The following CDH18 variants were observed in gnomAD, a reference collection of about 807,000 sequenced individuals.
The protein encoded by CDH18 is cadherin-18.
A neutral mutation model predicts 67.9 loss-of-function variants in CDH18; 31 were observed. The ratio of observed to expected loss-of-function variants is 0.46; its 90% confidence interval spans 0.34 to 0.62. The LOEUF (loss-of-function observed/expected upper bound fraction) is 0.62, where lower values mean the gene tolerates loss of function less well. CDH18 is among the 20% of genes least tolerant of loss of function. The probability of loss-of-function intolerance (pLI) is 0.01; values close to 1 mark genes in which losing one functional copy is unlikely to be tolerated. For synonymous variants in CDH18, 362 were observed against 347.2 expected (o/e 1.04, Z -0.48); for missense variants, 890 against 975.5 (o/e 0.91, Z 1.17).
At chr5:19,708,242 C>T (rs1764211530) in intron 5 of CDH18, among the ~76,000 whole-genome samples, 3 of 152,170 alleles carry the variant, frequency 2.0e-5, no homozygotes, top group Non-Finnish European at 4.4e-5. Context: ...CTGTCAGGAA[C>T]TGGAGTGCTT....
chr5:20,219,355 G>A (rs1051525107), intron 2 of CDH18, among the ~76,000 whole-genome samples: 1 of 151,802 alleles, frequency 6.6e-6, no homozygotes, highest in East Asian at 1.9e-4. Flanking sequence ...GCAAAAATAA[G>A]CTTGGGACAC....
chr5:20,415,906 A>C (rs566699945), intron 1 of CDH18, among the ~76,000 whole-genome samples: 141 of 152,318 alleles, frequency 9.3e-4, no homozygotes, highest in African/African-American at 3.2e-3. Flanking sequence ...CAAATGCTAC[A>C]CTATTCCATT....
chr5:19,746,915 C>A, intron 4 of CDH18, 27 bp downstream of exon 4: 3 of 1,590,946 alleles, frequency 1.9e-6, no homozygotes, highest in Middle Eastern at 1.7e-4. Flanking sequence ...ATGTTAATTG[C>A]ATAATCACAA....
chr5:19,630,383 T>G (rs1488152364), intron 5 of CDH18, among the ~76,000 whole-genome samples: 1 of 152,236 alleles, frequency 6.6e-6, no homozygotes, highest in African/African-American at 2.4e-5. Context: ...ATCTGATATA[T>G]AAAACATTTG....
chr5:19,610,262 C>G (rs1580477193), intron 6 of CDH18, among the ~76,000 whole-genome samples: 1 of 152,068 alleles, frequency 6.6e-6, no homozygotes, highest in Non-Finnish European at 1.5e-5. Flanking sequence ...AGAGTATACA[C>G]TTATTCTGTT....
At chr5:19,870,138 G>C (rs1355772574) in intron 2 of CDH18, among the ~76,000 whole-genome samples, 1 of 152,078 alleles carries the variant, frequency 6.6e-6, no homozygotes, top group East Asian at 1.9e-4. Context: ...TAAGAGAGAT[G>C]AGTTGATTCA....
chr5:19,686,466 A>AGAT (rs1291663149), intron 5 of CDH18, among the ~76,000 whole-genome samples: 1 of 152,172 alleles, frequency 6.6e-6, no homozygotes, highest in Non-Finnish European at 1.5e-5. Context: ...TTGGAACACC[A>AGAT]GATATGGATG....
intron 2 of CDH18, among the ~76,000 whole-genome samples, chr5:19,957,308 GTA>G (rs997883925): frequency 2.0e-5 from 3 of 150,588 alleles, no homozygotes; most frequent in African/African-American, 4.9e-5. Context: ...ATATGTATGT[GTA>G]TATATATGTT....
chr5:19,730,093 C>T (rs1354068376), intron 4 of CDH18, among the ~76,000 whole-genome samples: 1 of 152,138 alleles, frequency 6.6e-6, no homozygotes, highest in African/African-American at 2.4e-5. Flanking sequence ...AGCTCCCTTT[C>T]AGCTGCCCCC....
chr5:20,379,821 T>C (rs1240714045), intron 1 of CDH18, among the ~76,000 whole-genome samples: 2 of 151,918 alleles, frequency 1.3e-5, no homozygotes, highest in Non-Finnish European at 2.9e-5. Context: ...TATCTCTGAC[T>C]CTTGAAGAAT....
intron 1 of CDH18, among the ~76,000 whole-genome samples, chr5:20,431,487 C>CAAAAAAAAA (rs560015111): frequency 3.0e-5 from 2 of 66,216 alleles, no homozygotes; most frequent in Non-Finnish European, 5.9e-5. Flanking sequence ...GAGTGAAACT[C>CAAAAAAAAA]AAAAAAAAAA....
chr5:20,059,230 A>G (rs1561756606), intron 2 of CDH18, among the ~76,000 whole-genome samples: 1 of 151,198 alleles, frequency 6.6e-6, no homozygotes, highest in Admixed American at 6.6e-5. Flanking sequence ...TTTCTTCTTT[A>G]TTAGTCTGGC....
intron 2 of CDH18, among the ~76,000 whole-genome samples, chr5:20,021,140 GT>G (rs2150433413): frequency 6.6e-6 from 1 of 152,174 alleles, no homozygotes; most frequent in Non-Finnish European, 1.5e-5. Flanking sequence ...TAGCTCCTTT[GT>G]TTTGTTCAGT....
intron 3 of CDH18, among the ~76,000 whole-genome samples, chr5:19,791,944 CTACTTTT>C (rs1028087647): frequency 2.6e-5 from 4 of 152,242 alleles, no homozygotes; most frequent in East Asian, 3.9e-4. Flanking sequence ...CCACAACAGA[CTACTTTT>C]TAGAAGAATG....
intron 7 of CDH18, among the ~76,000 whole-genome samples, chr5:19,582,981 T>C (rs960699677): frequency 2.0e-5 from 3 of 151,978 alleles, no homozygotes; most frequent in Non-Finnish European, 4.4e-5. Flanking sequence ...TATAATTTAC[T>C]TAAACTTTAA....
At chr5:20,322,000 G>C (rs1027942651) in intron 1 of CDH18, among the ~76,000 whole-genome samples, 1 of 151,880 alleles carries the variant, frequency 6.6e-6, no homozygotes, top group African/African-American at 2.4e-5. Flanking sequence ...TTTTACCCAA[G>C]CATAAAGATG....
intron 1 of CDH18, among the ~76,000 whole-genome samples, chr5:20,385,682 G>T (rs2150107343): frequency 6.6e-6 from 1 of 152,252 alleles, no homozygotes; most frequent in East Asian, 1.9e-4. Flanking sequence ...TAGATAAGTG[G>T]AGAAAAGAAT....
At chr5:20,124,848 T>C (rs1748684063) in intron 2 of CDH18, among the ~76,000 whole-genome samples, 1 of 152,212 alleles carries the variant, frequency 6.6e-6, no homozygotes, top group Admixed American at 6.5e-5. Flanking sequence ...TTGATGACTA[T>C]ATCCTATATA....
chr5:19,628,632 T>A (rs2150170196), intron 5 of CDH18, among the ~76,000 whole-genome samples: 1 of 151,922 alleles, frequency 6.6e-6, no homozygotes, highest in East Asian at 2.0e-4. Context: ...AGATGAACTG[T>A]TTGTGGGGAG....
Sources: gnomAD v4.1 joint callset for allele counts (sites outside exome capture counted in the v4.1 genomes callset) on GRCh38, gnomAD v4.1.1 for gene constraint, MANE v1.5 for transcripts, NCBI Gene and HGNC (gene_info 2026-07-23, HGNC 2026-07-21) for gene names.